XCR1: variants seen among roughly 807,000 people sequenced by gnomAD.
The protein encoded by XCR1 is chemokine XC receptor 1.
For missense variants in XCR1, 356 were observed against 424.2 expected (o/e 0.84, Z 1.41); for synonymous variants, 187 against 188.5 (o/e 0.99, Z 0.06).
At chr3:46,038,030 G>GTTTTTTT (rs368953503) in intron 5 of XCR1, among the ~76,000 whole-genome samples, 2 of 123,214 alleles carry the variant, frequency 1.6e-5, no homozygotes, top group Non-Finnish European at 1.7e-5. Context: ...TTTGTTTTTT[G>GTTTTTTT]TTTTTTTTTT....
chr3:46,081,929 C>T (rs994807753), intron 1 of XCR1, among the ~76,000 whole-genome samples: 17 of 152,034 alleles, frequency 1.1e-4, no homozygotes. Flanking sequence ...ATGTTTAGCT[C>T]CCACTTACAA....
intron 1 of XCR1, among the ~76,000 whole-genome samples, chr3:46,026,132 T>C (rs1708282901): frequency 1.3e-5 from 2 of 152,262 alleles, no homozygotes; most frequent in South Asian, 2.1e-4. Flanking sequence ...TTTGATGATA[T>C]AAACTCTCAG....
intron 1 of XCR1, among the ~76,000 whole-genome samples, chr3:46,083,699 G>A (rs1259165087): frequency 6.6e-6 from 1 of 152,194 alleles, no homozygotes; most frequent in Non-Finnish European, 1.5e-5. Flanking sequence ...TACTGACTAA[G>A]GTTGTGCTAG....
At chr3:46,032,517 T>A (rs1708416481) in intron 5 of XCR1, among the ~76,000 whole-genome samples, 1 of 152,194 alleles carries the variant, frequency 6.6e-6, no homozygotes, top group African/African-American at 2.4e-5. Context: ...CTTGGAGGCA[T>A]GGGATACAGG....
intron 4 of XCR1, among the ~76,000 whole-genome samples, chr3:46,055,391 C>A (rs986985584): frequency 6.6e-6 from 1 of 152,182 alleles, no homozygotes; most frequent in African/African-American, 2.4e-5. Context: ...CAAATTCCAG[C>A]CAAACAGCTG....
At chr3:46,048,705 G>GT (rs1559487200) in intron 5 of XCR1, among the ~76,000 whole-genome samples, 1 of 152,136 alleles carries the variant, frequency 6.6e-6, no homozygotes, top group Non-Finnish European at 1.5e-5. Flanking sequence ...AGGGATTTCC[G>GT]TAACATTTTT....
chr3:46,066,717 G>A (rs1437724750), intron 4 of XCR1, among the ~76,000 whole-genome samples: 1 of 152,250 alleles, frequency 6.6e-6, no homozygotes, highest in East Asian at 1.9e-4. Context: ...AAGCCAGGCA[G>A]AGTAGAGGTT....
At chr3:46,061,523 G>T (rs1034368320) in intron 4 of XCR1, among the ~76,000 whole-genome samples, 2 of 152,130 alleles carry the variant, frequency 1.3e-5, no homozygotes, top group African/African-American at 2.4e-5. Context: ...TTCACCCTTT[G>T]GTGAACATTC....
chr3:46,018,401 C>T lies in XCR1; in HGVS notation c.*2545G>A, dbSNP rs937909990. ...CCTTTTTGCTCCCTGGCTCAGCCTG[C>T]CCTCTGAGTAAAAGTTGAACAAAAT... On this transcript the variant is annotated 3_prime_UTR_variant, in exon 2 of 2. Transcript: ENST00000309285. 1 of 152,216 alleles carries T rather than the reference C, an allele frequency of 6.6e-6. No homozygotes were observed. Among genetic ancestry groups the T allele is most frequent in the Non-Finnish European group, 1.5e-5 (1 of 68,108 alleles). 9.4% of individuals were successfully genotyped at this position (152,216 alleles called of 1,614,324 possible).
At chr3:46,070,623 T>C (rs1028632456) in intron 3 of XCR1, among the ~76,000 whole-genome samples, 8 of 152,088 alleles carry the variant, frequency 5.3e-5, no homozygotes, top group Admixed American at 2.0e-4. Context: ...GTGTGGAATA[T>C]CTTTTTCCAC....
At chr3:46,066,739 T>C (rs116828107) in intron 4 of XCR1, among the ~76,000 whole-genome samples, 2 of 152,342 alleles carry the variant, frequency 1.3e-5, no homozygotes, top group African/African-American at 4.8e-5. Context: ...ATTCCATGGG[T>C]CTGGAGTTAG....
Position 46,018,996 on chromosome 3 carries a change from C to T in XCR1, c.*1950G>A, listed in dbSNP as rs1225818418. On this transcript the variant is annotated 3_prime_UTR_variant, in exon 2 of 2. Coordinates refer to ENST00000309285, the MANE Select transcript of XCR1 (RefSeq NM_001024644.2). ...AGCCAAATCAGGTTCACAGATTGGG[C>T]CCAGGTCTTTGTGGCATGGCAAAGT... 1 of 152,138 alleles carries T rather than the reference C, an allele frequency of 6.6e-6. No homozygotes were observed. Among genetic ancestry groups the T allele is most frequent in the East Asian group, 1.9e-4 (1 of 5,190 alleles). 9.4% of individuals were successfully genotyped at this position (152,138 alleles called of 1,614,324 possible).
chr3:46,071,221 G>A (rs1367099138), intron 3 of XCR1, among the ~76,000 whole-genome samples: 1 of 152,004 alleles, frequency 6.6e-6, no homozygotes, highest in Non-Finnish European at 1.5e-5. Context: ...AAACAAGGAA[G>A]AAATAGAAAT....
intron 4 of XCR1, among the ~76,000 whole-genome samples, chr3:46,063,483 T>C (rs72889713): frequency 0.12 from 18,644 of 152,150 alleles, 3,755 homozygotes; most frequent in African/African-American, 0.42. Flanking sequence ...TTCCCCTGTC[T>C]AAACTCCTGC....
chr3:46,020,732 G>T lies in XCR1; in HGVS notation c.*214C>A. On this transcript the variant is annotated 3_prime_UTR_variant, in exon 2 of 2. Transcript: ENST00000309285. ...AGTTCAAGAAATGTTTTTTTGGATG[G>T]CAGTATAAAATTCCCAGGTAGGAAG... 1 of 606,370 alleles carries T rather than the reference G, an allele frequency of 1.6e-6. No homozygotes were observed. The highest frequency in any genetic ancestry group is 2.8e-6 in the Non-Finnish European group (1 of 354,642). The allele number at this position is 606,370 out of a possible 1,614,324, so 37.6% of individuals were successfully genotyped here.
At chr3:46,072,010 G>C (rs1698172441) in intron 3 of XCR1, among the ~76,000 whole-genome samples, 1 of 151,992 alleles carries the variant, frequency 6.6e-6, no homozygotes, top group African/African-American at 2.4e-5. Flanking sequence ...TGGAAAAGAG[G>C]TAGTAAAATT....
chr3:46,025,093 T>C (rs561953000), intron 1 of XCR1, among the ~76,000 whole-genome samples: 2 of 152,276 alleles, frequency 1.3e-5, no homozygotes, highest in Admixed American at 6.5e-5. Flanking sequence ...AATAAACGTC[T>C]AAAATCTAAG....
intron 1 of XCR1, among the ~76,000 whole-genome samples, chr3:46,025,619 A>G (rs1258812697): frequency 6.6e-6 from 1 of 152,240 alleles, no homozygotes; most frequent in African/African-American, 2.4e-5. Context: ...CAAAACTGAC[A>G]TGGGATGATA....
intron 4 of XCR1, among the ~76,000 whole-genome samples, chr3:46,065,118 G>T (rs1698042309): frequency 6.6e-6 from 1 of 150,696 alleles, no homozygotes. Flanking sequence ...AAAAAAAAAG[G>T]AAAAAAAAAT....
Sources: allele counts gnomAD v4.1 joint callset (sites outside exome capture counted in the v4.1 genomes callset), GRCh38; gene constraint gnomAD v4.1.1; transcripts MANE v1.5; gene names NCBI Gene and HGNC (gene_info 2026-07-23, HGNC 2026-07-21).